The following DCBLD1 variants were observed in gnomAD, a reference collection of about 807,000 sequenced individuals.
DCBLD1 encodes discoidin, CUB and LCCL domain-containing protein 1.
A neutral mutation model predicts 71.5 loss-of-function variants in DCBLD1; 57 were observed. The observed-to-expected ratio is 0.80, with a 90% CI of 0.64 to 0.99. The LOEUF is 0.99. Ranked by LOEUF, DCBLD1 falls within the 50% of genes least tolerant of loss-of-function variation. DCBLD1 has a pLI of 0.00. For missense variants in DCBLD1, 891 were observed against 923.5 expected, an observed-to-expected ratio of 0.96 and a Z score of 0.46; for synonymous variants, 380 against 363.8, an observed-to-expected ratio of 1.04 and a Z score of -0.51.
At position 117,520,061 on chromosome 6, in the gene DCBLD1, T is replaced by C. The variant is rs534652201; in HGVS notation, c.460+111T>C. The C allele has an allele frequency of 5.6e-5, 84 of 1,509,146 alleles. No individual in the cohort carries two copies. In the East Asian group the frequency reaches 1.8e-3, roughly 33 times the overall value. The allele number at this position is 1,509,146 out of a possible 1,614,324, so 93.5% of individuals were successfully genotyped here. On this transcript the variant is annotated intron_variant, in intron 3 of 14. Transcript: ENST00000338728. Reference sequence around the variant, plus strand: ...TGTGGACTCAGATGCAGAATTAAGATATGAGGGAGAAGAGGAACATGGTAT... The same window carrying C: ...TGTGGACTCAGATGCAGAATTAAGACATGAGGGAGAAGAGGAACATGGTAT...
At chr6:117,513,021 T>C (rs1252264044) in intron 2 of DCBLD1, among the ~76,000 whole-genome samples, 2 of 152,198 alleles carry the variant, frequency 1.3e-5, no homozygotes, top group Non-Finnish European at 2.9e-5. Flanking sequence ...AAACCTTATA[T>C]CCATCTGAAG....
At chr6:117,499,076 C>CTT (rs35985207) in intron 1 of DCBLD1, among the ~76,000 whole-genome samples, 5 of 151,038 alleles carry the variant, frequency 3.3e-5, no homozygotes, top group African/African-American at 9.8e-5. Context: ...TCATAGAGAG[C>CTT]TTTTTTTTGC....
intron 14 of DCBLD1, among the ~76,000 whole-genome samples, chr6:117,559,373 T>C (rs1779540534): frequency 6.6e-6 from 1 of 152,214 alleles, no homozygotes; most frequent in Non-Finnish European, 1.5e-5. Context: ...GAAAGCAACT[T>C]GGACTACAAT....
chr6:117,493,253 A>G (rs74558843), intron 1 of DCBLD1, among the ~76,000 whole-genome samples: 4,639 of 152,218 alleles, frequency 0.03, 84 homozygotes, highest in Non-Finnish European at 0.037. Context: ...GCTTTTTGGA[A>G]ATGTAGAATT....
chr6:117,547,268 A>G (rs1290551025), intron 14 of DCBLD1, among the ~76,000 whole-genome samples: 1 of 151,920 alleles, frequency 6.6e-6, no homozygotes, highest in East Asian at 1.9e-4. Flanking sequence ...TTCGAATCCT[A>G]CTCCATCGCC....
chr6:117,564,713 CA>C (rs973608392), intron 14 of DCBLD1, among the ~76,000 whole-genome samples: 2 of 151,206 alleles, frequency 1.3e-5, no homozygotes, highest in Admixed American at 1.3e-4. Flanking sequence ...GCCTCAGTTA[CA>C]AAAAAAAGGA....
At chr6:117,485,994 G>T (rs945695597) in intron 1 of DCBLD1, among the ~76,000 whole-genome samples, 1 of 152,172 alleles carries the variant, frequency 6.6e-6, no homozygotes, top group African/African-American at 2.4e-5. Flanking sequence ...GAAGAAAGAG[G>T]TTATGTTAAA....
intron 2 of DCBLD1, among the ~76,000 whole-genome samples, chr6:117,512,329 A>G (rs927600926): frequency 3.3e-5 from 5 of 152,142 alleles, no homozygotes; most frequent in African/African-American, 9.7e-5. Flanking sequence ...TGAGAGACCA[A>G]AATTCTCCAG....
At chr6:117,544,251 A>T (rs1779191768) in intron 12 of DCBLD1, 1 of 322,872 alleles carries the variant, frequency 3.1e-6, no homozygotes, top group African/African-American at 2.1e-5. Flanking sequence ...TGCATGAGCT[A>T]GTGATAAACT....
chr6:117,493,615 T>C (rs1384841776), intron 1 of DCBLD1, among the ~76,000 whole-genome samples: 2 of 152,226 alleles, frequency 1.3e-5, no homozygotes, highest in African/African-American at 2.4e-5. Context: ...AGCAGTAATG[T>C]GAGATTGGGC....
chr6:117,510,198 C>T (rs966127998), intron 2 of DCBLD1, among the ~76,000 whole-genome samples: 4 of 152,116 alleles, frequency 2.6e-5, no homozygotes, highest in Non-Finnish European at 4.4e-5. Flanking sequence ...TCTCTGAGTC[C>T]TTCATCTCCA....
chr6:117,527,035 T>C (rs1338249405), intron 5 of DCBLD1, among the ~76,000 whole-genome samples: 1 of 152,202 alleles, frequency 6.6e-6, no homozygotes, highest in Non-Finnish European at 1.5e-5. Flanking sequence ...TGTTATTGGA[T>C]TGAGGGCCTC....
intron 13 of DCBLD1, 137 bp downstream of exon 13, chr6:117,544,714 T>C (rs925499445): frequency 1.7e-5 from 13 of 786,604 alleles, no homozygotes; most frequent in Middle Eastern, 2.4e-4. Context: ...TAAAGTAGCA[T>C]ATCTATAAGG....
At chr6:117,506,364 C>A (rs528208882) in intron 2 of DCBLD1, among the ~76,000 whole-genome samples, 1 of 152,292 alleles carries the variant, frequency 6.6e-6, no homozygotes, top group East Asian at 1.9e-4. Flanking sequence ...ACCAAAAAAA[C>A]CACATTGCAC....
At chr6:117,492,738 A>AT (rs1297586517) in intron 1 of DCBLD1, among the ~76,000 whole-genome samples, 1 of 152,102 alleles carries the variant, frequency 6.6e-6, no homozygotes, top group Non-Finnish European at 1.5e-5. Context: ...TATGAGGTTT[A>AT]TTTTTTCTCT....
At chr6:117,508,590 A>C (rs1357695655) in intron 2 of DCBLD1, among the ~76,000 whole-genome samples, 1 of 152,188 alleles carries the variant, frequency 6.6e-6, no homozygotes, top group Admixed American at 6.5e-5. Flanking sequence ...CCTCTGGGTA[A>C]ATTCCATTTC....
intron 11 of DCBLD1, 141 bp from the exon 12 acceptor site, chr6:117,542,983 A>G (rs1779150307): frequency 1.5e-6 from 1 of 687,314 alleles, no homozygotes; most frequent in Non-Finnish European, 2.5e-6. Flanking sequence ...GCTTTCCAAT[A>G]TCAGTAAATG....
At chr6:117,525,482 G>T in intron 5 of DCBLD1, 48 bp downstream of exon 5, 1 of 1,319,930 alleles carries the variant, frequency 7.6e-7, no homozygotes. Context: ...AGGAGTAAGT[G>T]CTTTACTCTG....
At chr6:117,551,278 T>G (rs1045358638), downstream of DCBLD1, among the ~76,000 whole-genome samples, 3 of 152,180 alleles carry the variant, frequency 2.0e-5, no homozygotes, top group South Asian at 2.1e-4. Context: ...TTTTTTTGGT[T>G]GTTTTCTTTA....
Sources: gnomAD v4.1 joint callset for allele counts (sites outside exome capture counted in the v4.1 genomes callset) on GRCh38, gnomAD v4.1.1 for gene constraint, MANE v1.5 for transcripts, NCBI Gene and HGNC (gene_info 2026-07-23, HGNC 2026-07-21) for gene names.